Variants in IMMP2L observed in about 807,000 individuals in gnomAD.
IMMP2L encodes inner mitochondrial membrane peptidase subunit 2, also known as mitochondrial inner membrane protease subunit 2.
A neutral mutation model predicts 19.3 loss-of-function variants in IMMP2L; 18 were observed. That is an observed-to-expected ratio of 0.93 (90% CI 0.64 to 1.38). IMMP2L has a LOEUF of 1.38. IMMP2L is among the 40% of genes most tolerant of loss of function. The pLI is 0.00. For missense variants in IMMP2L, 233 were observed against 218.2 expected (o/e 1.07, Z -0.43); for synonymous variants, 76 against 73.0 (o/e 1.04, Z -0.21).
chr7:111,310,007 G>C (rs1006452782), intron 3 of IMMP2L, among the ~76,000 whole-genome samples: 6 of 152,042 alleles, frequency 3.9e-5, no homozygotes, highest in Non-Finnish European at 8.8e-5. Flanking sequence ...GGCCAAGGCG[G>C]GTGGATCACC....
intron 1 of IMMP2L, among the ~76,000 whole-genome samples, chr7:111,526,134 T>A (rs1391563790): frequency 6.6e-6 from 1 of 152,232 alleles, no homozygotes; most frequent in Non-Finnish European, 1.5e-5. Context: ...CAGAATTTAT[T>A]ACGTGAATTT....
At chr7:111,118,022 A>G (rs1363266678) in intron 3 of IMMP2L, among the ~76,000 whole-genome samples, 4 of 152,124 alleles carry the variant, frequency 2.6e-5, no homozygotes, top group Admixed American at 6.5e-5. Flanking sequence ...CTGATTTTTC[A>G]TAAGTATCAC....
chr7:111,199,152 C>A (rs1008368550), intron 3 of IMMP2L, among the ~76,000 whole-genome samples: 5 of 152,042 alleles, frequency 3.3e-5, no homozygotes, highest in African/African-American at 1.2e-4. Flanking sequence ...GAAATAAACA[C>A]ATTTTTATTC....
chr7:111,437,659 C>G (rs945913167), intron 3 of IMMP2L, among the ~76,000 whole-genome samples: 1 of 151,798 alleles, frequency 6.6e-6, no homozygotes, highest in African/African-American at 2.4e-5. Context: ...CTAAACCAGC[C>G]ATCTGGCCGC....
chr7:111,477,507 C>T (rs1338657574), intron 3 of IMMP2L, among the ~76,000 whole-genome samples: 3 of 151,866 alleles, frequency 2.0e-5, no homozygotes, highest in African/African-American at 7.3e-5. Flanking sequence ...TTCCTTTTAC[C>T]ACTTTATAGA....
chr7:111,272,151 T>C (rs1562992126), intron 3 of IMMP2L, among the ~76,000 whole-genome samples: 2 of 152,196 alleles, frequency 1.3e-5, no homozygotes, highest in South Asian at 2.1e-4. Flanking sequence ...AAATCCTTAA[T>C]GTGGCTTCCC....
chr7:110,836,556 C>A (rs1483979683), intron 5 of IMMP2L, among the ~76,000 whole-genome samples: 5 of 152,090 alleles, frequency 3.3e-5, no homozygotes, highest in Admixed American at 6.6e-5. Context: ...GTGAGGCCTC[C>A]CCAGCCACAT....
intron 1 of IMMP2L, among the ~76,000 whole-genome samples, chr7:111,548,224 A>AT (rs1849118908): frequency 6.6e-6 from 1 of 151,622 alleles, no homozygotes; most frequent in Non-Finnish European, 1.5e-5. Context: ...TACAAAAAAA[A>AT]AGTTCTTCCA....
intron 3 of IMMP2L, among the ~76,000 whole-genome samples, chr7:111,015,473 G>C (rs1464111247): frequency 1.3e-5 from 2 of 152,064 alleles, no homozygotes; most frequent in Non-Finnish European, 2.9e-5. Flanking sequence ...AAGTTCTGCA[G>C]ACCTGTTTTA....
chr7:111,108,587 T>C (rs1223439321), intron 3 of IMMP2L, among the ~76,000 whole-genome samples: 2 of 152,056 alleles, frequency 1.3e-5, no homozygotes, highest in Non-Finnish European at 2.9e-5. Flanking sequence ...ATAATGAGAG[T>C]AGACATTGGC....
At chr7:111,432,845 T>C (rs1836767568) in intron 3 of IMMP2L, among the ~76,000 whole-genome samples, 1 of 150,694 alleles carries the variant, frequency 6.6e-6, no homozygotes, top group Non-Finnish European at 1.5e-5. Flanking sequence ...ATGAATTCAG[T>C]AAAGTTTCAG....
At chr7:110,992,407 C>T (rs1822573881) in intron 3 of IMMP2L, among the ~76,000 whole-genome samples, 1 of 151,690 alleles carries the variant, frequency 6.6e-6, no homozygotes, top group African/African-American at 2.4e-5. Flanking sequence ...GCATACTAGG[C>T]ATAAAGTATG....
chr7:110,771,109 C>T (rs773319619), intron 5 of IMMP2L, among the ~76,000 whole-genome samples: 5 of 152,024 alleles, frequency 3.3e-5, no homozygotes, highest in African/African-American at 9.7e-5. Context: ...AAGGTTCTGA[C>T]GGGAAATATC....
intron 3 of IMMP2L, among the ~76,000 whole-genome samples, chr7:111,107,644 GTAA>G (rs917586855): frequency 1.3e-5 from 2 of 152,042 alleles, no homozygotes; most frequent in Non-Finnish European, 2.9e-5. Flanking sequence ...CACTAGTAAA[GTAA>G]TAATCTCAAA....
Position 110,886,189 on chromosome 7 carries a change from C to T in IMMP2L, c.408+404G>A, listed in dbSNP as rs115590257. On this transcript the variant is annotated intron_variant, in intron 5 of 5. Coordinates refer to ENST00000405709, the MANE Select transcript of IMMP2L (RefSeq NM_032549.4). ...ACATTTACCAATATGATTTCTATTA[C>T]ACTTGCATTTTAAACTAATGATTTA... Among the ~76,000 whole-genome samples the T allele has an allele frequency of 9.6e-3, 1,459 of 152,066 alleles. 25 individuals carry two copies. The highest frequency in any genetic ancestry group is 0.034 in the African/African-American group (1,399 of 41,512).
intron 3 of IMMP2L, among the ~76,000 whole-genome samples, chr7:111,122,147 C>T (rs1800719090): frequency 6.6e-6 from 1 of 151,786 alleles, no homozygotes; most frequent in Non-Finnish European, 1.5e-5. Flanking sequence ...GGGTGCAGCA[C>T]ACCAACATGG....
intron 3 of IMMP2L, among the ~76,000 whole-genome samples, chr7:111,265,526 A>C (rs1303076601): frequency 1.3e-5 from 2 of 152,178 alleles, no homozygotes; most frequent in Non-Finnish European, 1.5e-5. Context: ...GCAAGGACAA[A>C]GGAATCAGAA....
chr7:110,855,093 A>T (rs1413387477), intron 5 of IMMP2L, among the ~76,000 whole-genome samples: 2 of 152,016 alleles, frequency 1.3e-5, no homozygotes, highest in Non-Finnish European at 2.9e-5. Flanking sequence ...ATGTTCAGTC[A>T]GTTAAAAAAT....
chr7:110,870,520 T>G lies in IMMP2L; in HGVS notation c.408+16073A>C, dbSNP rs1177264578. Among the ~76,000 whole-genome samples the G allele has an allele frequency of 6.6e-6, 1 of 152,070 alleles. No individual in the cohort carries two copies. The highest frequency in any genetic ancestry group is 1.5e-5 in the Non-Finnish European group (1 of 67,998). On this transcript the variant is annotated intron_variant, in intron 5 of 5. Transcript: ENST00000405709. This position sits in a 1 kb window ranked among gnomAD's most constrained non-coding sequence, Gnocchi z 4.2. ...ACATGAATAAAGAAATAAAACAAGA[T>G]AGTCATAGTAGCTAGAAGCAGGTGT... is the stretch of plus-strand genomic sequence containing the variant.
Sources: allele counts gnomAD v4.1 joint callset (sites outside exome capture counted in the v4.1 genomes callset), GRCh38; gene constraint gnomAD v4.1.1; non-coding constraint Gnocchi (gnomAD v3.1); transcripts MANE v1.5; gene names NCBI Gene and HGNC (gene_info 2026-07-23, HGNC 2026-07-21).